ARHGEF18: variants seen among roughly 807,000 people sequenced by gnomAD.
ARHGEF18 encodes rho guanine nucleotide exchange factor 18.
In ARHGEF18, 93 loss-of-function variants were observed where a neutral mutation model predicts 155.7. The ratio of observed to expected loss-of-function variants is 0.60; its 90% confidence interval spans 0.50 to 0.71. The LOEUF is 0.71. Among genes scored for constraint, ARHGEF18 ranks in the 30% least tolerant of loss-of-function variants. ARHGEF18 has a pLI of 0.00. For missense variants in ARHGEF18, 1,593 were observed against 1,816.1 expected (o/e 0.88, Z 2.23); for synonymous variants, 742 against 753.1 (o/e 0.99, Z 0.24).
At chr19:7,465,596 A>T (rs111582426) in intron 23 of ARHGEF18, among the ~76,000 whole-genome samples, 1 of 151,964 alleles carries the variant, frequency 6.6e-6, no homozygotes, top group Non-Finnish European at 1.5e-5. Context: ...TTTGGTAGAT[A>T]CAGGGTCTCA....
intron 15 of ARHGEF18, among the ~76,000 whole-genome samples, chr19:7,450,249 C>A (rs201236764): frequency 0.016 from 47 of 2,922 alleles, no homozygotes; most frequent in Admixed American, 0.12. Flanking sequence ...TTAATACAGG[C>A]TCTTGCTGTC....
rs950062864 is a variant in ARHGEF18 at position 7,470,683 on chromosome 19, C to A, written c.*385C>A. The A allele has an allele frequency of 1.8e-5, 7 of 398,704 alleles. No individual in the cohort carries two copies. Among genetic ancestry groups the A allele is most frequent in the African/African-American group, 1.2e-4 (6 of 48,606 alleles). The allele number at this position is 398,704 out of a possible 1,614,324, so 24.7% of individuals were successfully genotyped here. ...TGCCGGCTCTGCACGGAGCTGAGGA[C>A]AGGACAGACCTTGCTTTGAGAAGGA... On this transcript the variant is annotated 3_prime_UTR_variant, in exon 29 of 29. Transcript: ENST00000668164. This position sits in a 1 kb window ranked among gnomAD's most constrained non-coding sequence, Gnocchi z 5.9.
At chr19:7,368,557 G>C (rs1970048194) in intron 2 of ARHGEF18, among the ~76,000 whole-genome samples, 2 of 152,082 alleles carry the variant, frequency 1.3e-5, no homozygotes, top group African/African-American at 4.8e-5. Flanking sequence ...GTACTGCCTG[G>C]CTCCCCACTC....
chr19:7,401,234 G>T (rs76846209), intron 10 of ARHGEF18, among the ~76,000 whole-genome samples: 1,549 of 152,206 alleles, frequency 0.01, 19 homozygotes, highest in African/African-American at 0.023. Context: ...GCCAGTGGTG[G>T]GTCCGTGTGA....
downstream of ARHGEF18, among the ~76,000 whole-genome samples, chr19:7,474,480 G>C (rs1260239388): frequency 1.3e-5 from 2 of 152,120 alleles, no homozygotes; most frequent in Non-Finnish European, 2.9e-5. Context: ...CCAGGTTCAA[G>C]TAATTATCCT....
intron 17 of ARHGEF18, among the ~76,000 whole-genome samples, chr19:7,455,707 A>G (rs934549041): frequency 6.6e-6 from 1 of 152,196 alleles, no homozygotes; most frequent in Admixed American, 6.5e-5. Flanking sequence ...AACTTACCAA[A>G]GAAAGAGGTT....
At chr19:7,351,857 G>T (rs1969166654) in intron 1 of ARHGEF18, among the ~76,000 whole-genome samples, 1 of 151,824 alleles carries the variant, frequency 6.6e-6, no homozygotes, top group Admixed American at 6.6e-5. Flanking sequence ...ACCACACCTG[G>T]CTAATTTTAG....
chr19:7,403,025 C>T (rs1972100022), intron 10 of ARHGEF18, among the ~76,000 whole-genome samples: 1 of 152,048 alleles, frequency 6.6e-6, no homozygotes, highest in Non-Finnish European at 1.5e-5. Flanking sequence ...TTTGTTTTGT[C>T]TTTTCTGAGA....
intron 9 of ARHGEF18, 68 bp from the exon 10 acceptor site, chr19:7,382,994 G>A (rs1207393002): frequency 1.6e-6 from 2 of 1,232,196 alleles, no homozygotes; most frequent in Non-Finnish European, 2.0e-6. Flanking sequence ...TGGTGGGCTG[G>A]GTACACAGTA....
intron 10 of ARHGEF18, among the ~76,000 whole-genome samples, chr19:7,423,870 A>G (rs1207955290): frequency 6.6e-6 from 1 of 152,080 alleles, no homozygotes; most frequent in Non-Finnish European, 1.5e-5. Flanking sequence ...TCGATCTAGT[A>G]TTGATAGAAG....
chr19:7,412,159 C>T (rs1050558784), intron 10 of ARHGEF18, among the ~76,000 whole-genome samples: 4 of 151,742 alleles, frequency 2.6e-5, no homozygotes, highest in Non-Finnish European at 5.9e-5. Flanking sequence ...CCTCAGCCTC[C>T]CAAGTAGCTG....
At chr19:7,469,398 G>A (rs570264651) in intron 27 of ARHGEF18, among the ~76,000 whole-genome samples, 1 of 152,296 alleles carries the variant, frequency 6.6e-6, no homozygotes, top group South Asian at 2.1e-4. Flanking sequence ...AAAGGGACAC[G>A]GGCAAGAAGG....
At chr19:7,465,227 C>T (rs1275606457) in intron 23 of ARHGEF18, among the ~76,000 whole-genome samples, 1 of 152,172 alleles carries the variant, frequency 6.6e-6, no homozygotes, top group African/African-American at 2.4e-5. Flanking sequence ...CCTCGTTTTC[C>T]AAACACCCAG....
Position 7,468,805 on chromosome 19 carries a change from A to G in ARHGEF18, c.3481-20A>G, listed in dbSNP as rs1183710518. On this transcript the variant is annotated intron_variant, in intron 26 of 28. Coordinates refer to ENST00000668164, the MANE Select transcript of ARHGEF18 (RefSeq NM_001367823.1). ...ACAGCAGGAACCTCACATTGGATGT[A>G]TCTGCTGTTGTCCCCTCAGGCCCAG... 3 of 1,521,754 alleles carry G rather than the reference A, an allele frequency of 2.0e-6. No homozygotes were observed. The highest frequency in any genetic ancestry group is 2.7e-6 in the Non-Finnish European group (3 of 1,128,658). The allele number at this position is 1,521,754 out of a possible 1,614,324, so 94.3% of individuals were successfully genotyped here. A position where few individuals can be genotyped will look rare whatever the true frequency, so the allele number is the denominator to read the frequency against.
In ARHGEF18 at chr19:7,395,909, G is replaced by T. The variant is rs1182276798; in HGVS notation, c.967+12706G>T. ...CAGGTTTGTTACCTGGATATATTGC[G>T]TGATGCTGAGGTTTGGGGTGTGACT... On this transcript the variant is annotated intron_variant, in intron 10 of 28. Transcript: ENST00000668164. This position sits in a 1 kb window ranked among gnomAD's most constrained non-coding sequence, Gnocchi z 5.0. Among the ~76,000 whole-genome samples the T allele has an allele frequency of 6.6e-6, 1 of 152,088 alleles. No individual in the cohort carries two copies. Among genetic ancestry groups the T allele is most frequent in the Admixed American group, 6.5e-5 (1 of 15,270 alleles).
At chr19:7,469,840 C>T (rs1976904652) in intron 27 of ARHGEF18, 64 bp from the exon 28 acceptor site, 11 of 1,576,972 alleles carry the variant, frequency 7.0e-6, no homozygotes, top group Non-Finnish European at 8.6e-6. Context: ...CTCTCGGAGG[C>T]TGCCCTGGCG....
chr19:7,363,805 A>G (rs1600189749), intron 2 of ARHGEF18, among the ~76,000 whole-genome samples: 1 of 151,220 alleles, frequency 6.6e-6, no homozygotes, highest in Non-Finnish European at 1.5e-5. Context: ...GGAAGGATGG[A>G]TGGATAATGG....
intron 10 of ARHGEF18, among the ~76,000 whole-genome samples, chr19:7,423,471 G>A (rs184955243): frequency 6.6e-5 from 10 of 152,166 alleles, no homozygotes; most frequent in African/African-American, 2.2e-4. Flanking sequence ...AGGCCGAGGC[G>A]AGCGGATCAC....
chr19:7,477,595 G>A, the ARHGEF18 span, among the ~76,000 whole-genome samples: 2 of 152,168 alleles, frequency 1.3e-5, no homozygotes, highest in African/African-American at 4.8e-5. Flanking sequence ...CACAGAGACT[G>A]AGTCCCCATC....
Sources: gnomAD v4.1 joint callset for allele counts (sites outside exome capture counted in the v4.1 genomes callset) on GRCh38, gnomAD v4.1.1 for gene constraint, Gnocchi (gnomAD v3.1) non-coding constraint, MANE v1.5 for transcripts, NCBI Gene and HGNC (gene_info 2026-07-23, HGNC 2026-07-21) for gene names.